SPPL2A: variants seen among roughly 807,000 people sequenced by gnomAD.
The protein encoded by SPPL2A is signal peptide peptidase-like 2A.
Under a neutral mutation model 63.8 loss-of-function variants are expected in SPPL2A, and 51 were observed. The observed-to-expected ratio is 0.80, with a 90% confidence interval of 0.64 to 1.01. The LOEUF (loss-of-function observed/expected upper bound fraction) is 1.01, where lower values mean the gene tolerates loss of function less well. SPPL2A is among the 50% of genes least tolerant of loss of function. The pLI is 0.00. For synonymous variants in SPPL2A, 188 were observed against 205.8 expected (o/e 0.91, Z 0.74); for missense variants, 553 against 622.7 (o/e 0.89, Z 1.19).
chr15:50,718,607 A>G (rs1043152080), intron 14 of SPPL2A, among the ~76,000 whole-genome samples: 3 of 152,198 alleles, frequency 2.0e-5, no homozygotes, highest in Non-Finnish European at 2.9e-5. Flanking sequence ...GTATAACAGT[A>G]TAAGTTGAGA....
chr15:50,738,362 A>G (rs1478702369), intron 6 of SPPL2A, among the ~76,000 whole-genome samples: 3 of 152,124 alleles, frequency 2.0e-5, no homozygotes, highest in Non-Finnish European at 2.9e-5. Context: ...CAGCCTGGTC[A>G]ACATAGTGAA....
intron 10 of SPPL2A, 83 bp from the exon 11 acceptor site, chr15:50,726,460 G>T: frequency 7.1e-6 from 9 of 1,273,582 alleles, no homozygotes; most frequent in Non-Finnish European, 1.0e-5. Context: ...AAGCCCCATG[G>T]CATATGGCCA....
intron 1 of SPPL2A, among the ~76,000 whole-genome samples, chr15:50,752,819 T>C (rs1055109705): frequency 6.6e-6 from 1 of 152,080 alleles, no homozygotes; most frequent in Admixed American, 6.6e-5. Context: ...TTATCTGCTA[T>C]ACATCCAGAT....
At chr15:50,720,436 T>A (rs1428203120) in intron 13 of SPPL2A, among the ~76,000 whole-genome samples, 2 of 152,014 alleles carry the variant, frequency 1.3e-5, no homozygotes, top group Non-Finnish European at 2.9e-5. Flanking sequence ...ATAGGTAATA[T>A]AAGTTGTTTA....
At chr15:50,735,913 C>G (rs544857901) in intron 8 of SPPL2A, among the ~76,000 whole-genome samples, 188 bp downstream of exon 8, 19 of 152,242 alleles carry the variant, frequency 1.2e-4, no homozygotes, top group Admixed American at 5.2e-4. Context: ...AATCATAATT[C>G]ATATTTCCTT....
At chr15:50,743,589 T>G (rs1333536438) in intron 5 of SPPL2A, among the ~76,000 whole-genome samples, 1 of 151,998 alleles carries the variant, frequency 6.6e-6, no homozygotes, top group African/African-American at 2.4e-5. Flanking sequence ...ACAAGTGATC[T>G]ATCTGCCTTG....
At chr15:50,739,248 G>A (rs1197767982) in intron 6 of SPPL2A, among the ~76,000 whole-genome samples, 3 of 147,626 alleles carry the variant, frequency 2.0e-5, no homozygotes, top group Non-Finnish European at 4.4e-5. Context: ...GCGCAATGTC[G>A]GCTCACTGCA....
Position 50,731,022 on chromosome 15 carries a change from TA to T in SPPL2A, c.1031del (p.Leu344GlnfsTer14). 1 of 1,491,212 alleles carries T rather than the reference TA, an allele frequency of 6.7e-7. No individual in the cohort carries two copies. Among genetic ancestry groups the T allele is most frequent in the Middle Eastern group, 1.7e-4 (1 of 5,720 alleles). 92.4% of individuals were successfully genotyped at this position (1,491,212 alleles called of 1,614,324 possible). ...LPNFKSCVIL[L>X]GLLLLYDVFF... ...ATACATCATAGAGGAGGAGAAGGCC[TA>T]GAAGTATCACACATGACTGTCAAAG... is the stretch of plus-strand genomic sequence containing the variant. On this transcript the variant is annotated frameshift_variant, in exon 10 of 15. Coordinates refer to ENST00000261854, the MANE Select transcript of SPPL2A (RefSeq NM_032802.4). LOFTEE classifies it high-confidence loss of function.
In SPPL2A at chr15:50,748,194, G is replaced by C; in HGVS notation, c.369C>G (p.Pro123=). The change falls in exon 4 of 15, where the codon CCC becomes CCG. Residue 123 remains proline, a synonymous_variant. Transcript: ENST00000261854. ...CAGGAAATTCAGATCTGTTACCTGAGGGAGGAAACTAAAAAAGAAAAAATT... is the reference window on the plus strand; with the variant it reads ...CAGGAAATTCAGATCTGTTACCTGACGGAGGAAACTAAAAAAGAAAAAATT... ...LVVNNSVLFP[P]SGNRSEFPDV... The C allele has an allele frequency of 6.9e-7, 1 of 1,448,792 alleles. No homozygotes were observed. Among genetic ancestry groups the C allele is most frequent in the East Asian group, 2.6e-5 (1 of 39,184 alleles). 89.7% of individuals were successfully genotyped at this position (1,448,792 alleles called of 1,614,324 possible). A position where few individuals can be genotyped will look rare whatever the true frequency, so the allele number is the denominator to read the frequency against.
chr15:50,710,586 G>A (rs896712532), intron 14 of SPPL2A, among the ~76,000 whole-genome samples: 7 of 152,202 alleles, frequency 4.6e-5, no homozygotes, highest in African/African-American at 1.7e-4. Context: ...AGGAAAGCTT[G>A]ATTTGGAAAG....
chr15:50,735,530 C>T (rs976554058), intron 8 of SPPL2A, among the ~76,000 whole-genome samples: 3 of 133,472 alleles, frequency 2.2e-5, no homozygotes, highest in African/African-American at 8.4e-5. Flanking sequence ...TATACACACA[C>T]ACACATATAT....
Position 50,765,602 on chromosome 15 carries a change from C to T in SPPL2A, c.-69G>A. ...TCACTCGGCGGGGTAGGCTCGGAGT[C>T]CCGCCGCTGCGCTGCCTCCGTGGCC... On this transcript the variant is annotated 5_prime_UTR_variant, in exon 1 of 15. Coordinates refer to ENST00000261854, the MANE Select transcript of SPPL2A (RefSeq NM_032802.4). 6.3e-6 allele frequency: 7 copies of T among 1,110,954 alleles called. No individual in the cohort carries two copies. Among genetic ancestry groups the T allele is most frequent in the Non-Finnish European group, 8.3e-6 (7 of 847,846 alleles). The allele number at this position is 1,110,954 out of a possible 1,614,324, so 68.8% of individuals were successfully genotyped here.
intron 13 of SPPL2A, 78 bp from the exon 14 acceptor site, chr15:50,720,178 T>C: frequency 8.8e-7 from 1 of 1,135,706 alleles, no homozygotes; most frequent in Non-Finnish European, 1.3e-6. Flanking sequence ...ATTTATGTAC[T>C]GGTTTTCAAA....
chr15:50,727,826 A>T (rs2062697990), intron 10 of SPPL2A, among the ~76,000 whole-genome samples: 1 of 152,194 alleles, frequency 6.6e-6, no homozygotes, highest in Non-Finnish European at 1.5e-5. Flanking sequence ...AATAAAAACA[A>T]ACAAATCAGA....
chr15:50,762,346 C>T (rs547658687), intron 1 of SPPL2A, among the ~76,000 whole-genome samples: 4 of 143,364 alleles, frequency 2.8e-5, no homozygotes, highest in Admixed American at 7.2e-5. Context: ...CCAGCCTGGA[C>T]GACAGAGCAA....
chr15:50,719,245 G>A (rs8039710), intron 14 of SPPL2A, among the ~76,000 whole-genome samples: 42 of 152,162 alleles, frequency 2.8e-4, no homozygotes, highest in African/African-American at 1.0e-3. Context: ...AGATGCTGAA[G>A]AGGACACTTT....
chr15:50,730,766 A>G (rs757553029), intron 10 of SPPL2A, among the ~76,000 whole-genome samples, 199 bp downstream of exon 10: 64 of 152,246 alleles, frequency 4.2e-4, no homozygotes, highest in Non-Finnish European at 6.9e-4. Context: ...TCATATTTAT[A>G]TCAGTCAAGA....
rs539864878 is a variant in SPPL2A, at chr15:50,728,884, G to A, written c.1089+2081C>T. On this transcript the variant is annotated intron_variant, in intron 10 of 14. Coordinates refer to ENST00000261854, the MANE Select transcript of SPPL2A (RefSeq NM_032802.4). ...GCTGGAGTGCAGTGGCGCAATCTTG[G>A]CTCACTGCAACCTCCACCTTGTGGG... 2.6e-5 allele frequency among the ~76,000 whole-genome samples: 4 copies of A among 151,546 alleles called. No homozygotes were observed. The East Asian group carries it at 7.8e-4, about 30-fold the overall frequency.
intron 13 of SPPL2A, among the ~76,000 whole-genome samples, chr15:50,721,594 T>C (rs540822390): frequency 6.7e-6 from 1 of 149,050 alleles, no homozygotes; most frequent in South Asian, 2.2e-4. Context: ...CACACACAGC[T>C]AATACAAAAA....
Sources: gnomAD v4.1 joint callset for allele counts (sites outside exome capture counted in the v4.1 genomes callset) on GRCh38, gnomAD v4.1.1 for gene constraint, MANE v1.5 for transcripts, NCBI Gene and HGNC (gene_info 2026-07-23, HGNC 2026-07-21) for gene names.